CACNA1C: variants seen among roughly 807,000 people sequenced by gnomAD.
CACNA1C encodes the protein calcium voltage-gated channel subunit alpha1 C, also known as voltage-dependent L-type calcium channel subunit alpha-1C.
CACNA1C carries 30 observed loss-of-function variants against 229.0 expected under a neutral mutation model. The ratio of observed to expected loss-of-function variants is 0.13; its 90% CI spans 0.10 to 0.18. The LOEUF (loss-of-function observed/expected upper bound fraction) is 0.18. Among genes scored for constraint, CACNA1C ranks in the 10% least tolerant of loss-of-function variants. The pLI is 1.00. For synonymous variants in CACNA1C, 1,114 were observed against 1,132.5 expected, an observed-to-expected ratio of 0.98 and a Z score of 0.33; for missense variants, 1,658 against 2,845.0, an observed-to-expected ratio of 0.58 and a Z score of 9.49.
At position 2,679,848 on chromosome 12, in the gene CACNA1C, A is replaced by T; in HGVS notation, c.5444+52A>T. On this transcript the variant is annotated intron_variant, in intron 42 of 46. Transcript: ENST00000399655. The surrounding 1 kb of genome is among the most constrained non-coding windows in gnomAD (Gnocchi z 5.5). ...CGGCACACAGGGCCCACGTGCTGCAACCCTCAGGAGACAGTGGAGGAGACG... is the reference window on the plus strand; with the variant it reads ...CGGCACACAGGGCCCACGTGCTGCATCCCTCAGGAGACAGTGGAGGAGACG... 7.6e-7 allele frequency: 1 copy of T among 1,311,330 alleles called. No individual in the cohort carries two copies. The highest frequency in any genetic ancestry group is 1.1e-6 in the Non-Finnish European group (1 of 947,260). The allele number at this position is 1,311,330 out of a possible 1,614,324, so 81.2% of individuals were successfully genotyped here.
chr12:2,189,246 C>T (rs896331369), intron 3 of CACNA1C, among the ~76,000 whole-genome samples: 3 of 150,784 alleles, frequency 2.0e-5, no homozygotes, highest in Admixed American at 6.6e-5. Context: ...TAACCTGATA[C>T]AGGATTTCTC....
In CACNA1C at chr12:2,261,711, T is replaced by C. The variant is rs141030191; in HGVS notation, c.477+141281T>C. Among the ~76,000 whole-genome samples the C allele has an allele frequency of 2.0e-5, 3 of 152,282 alleles. No homozygotes were observed. The East Asian group carries it at 5.8e-4, about 29-fold the overall frequency. On this transcript the variant is annotated intron_variant, in intron 3 of 46. Transcript: ENST00000399655. ...AGCATCAGAGGTGGTTTTCTATACATATATGGGCCAAGCTCTAGAAGGGTC... is the reference window on the plus strand; with the variant it reads ...AGCATCAGAGGTGGTTTTCTATACACATATGGGCCAAGCTCTAGAAGGGTC...
intron 3 of CACNA1C, among the ~76,000 whole-genome samples, chr12:2,184,173 C>G (rs1435556394): frequency 1.3e-5 from 2 of 152,192 alleles, no homozygotes; most frequent in African/African-American, 4.8e-5. Context: ...TTCAGGTGTG[C>G]GTGTTGAAAG....
At chr12:2,303,733 G>A (rs550004416) in intron 3 of CACNA1C, among the ~76,000 whole-genome samples, 9 of 152,324 alleles carry the variant, frequency 5.9e-5, no homozygotes, top group African/African-American at 2.2e-4. Context: ...CCATGCTTCT[G>A]TCTAACGGGC....
intron 3 of CACNA1C, among the ~76,000 whole-genome samples, chr12:2,400,982 C>T (rs1224917211): frequency 2.0e-5 from 3 of 152,174 alleles, no homozygotes; most frequent in Non-Finnish European, 2.9e-5. Context: ...AAGTCCCCTT[C>T]TCCCAAGTCC....
chr12:2,682,083 C>A, intron 42 of CACNA1C: 2 of 1,278,396 alleles, frequency 1.6e-6, no homozygotes, highest in African/African-American at 1.4e-5. Flanking sequence ...GCCTTTACCC[C>A]AGGGTGCCAG....
intron 10 of CACNA1C, among the ~76,000 whole-genome samples, chr12:2,554,747 G>T (rs2043136499): frequency 6.6e-6 from 1 of 152,188 alleles, no homozygotes; most frequent in South Asian, 2.1e-4. Context: ...GGAGCAGAAA[G>T]AACCAAGGCG....
At chr12:2,683,509 G>C (rs1415159477) in intron 43 of CACNA1C, among the ~76,000 whole-genome samples, 1 of 152,170 alleles carries the variant, frequency 6.6e-6, no homozygotes, top group Non-Finnish European at 1.5e-5. Context: ...CTCACAACAG[G>C]CCTCTGAGAC....
At chr12:2,352,588 A>T (rs913210778) in intron 3 of CACNA1C, among the ~76,000 whole-genome samples, 1 of 151,348 alleles carries the variant, frequency 6.6e-6, no homozygotes, top group African/African-American at 2.4e-5. Flanking sequence ...TTAGCACTGC[A>T]TTATTTGTTG....
chr12:2,483,358 G>A (rs2099684207), intron 5 of CACNA1C, among the ~76,000 whole-genome samples: 1 of 152,188 alleles, frequency 6.6e-6, no homozygotes, highest in South Asian at 2.1e-4. Flanking sequence ...AGCATTTTAA[G>A]TGTAGCTTGA....
intron 9 of CACNA1C, among the ~76,000 whole-genome samples, chr12:2,518,828 T>A (rs1276467131): frequency 1.3e-5 from 2 of 152,172 alleles, no homozygotes; most frequent in Admixed American, 1.3e-4. Context: ...TGAGAGCAGA[T>A]CCTTAAGGCA....
At chr12:2,508,288 T>C (rs1421453601) in intron 8 of CACNA1C, among the ~76,000 whole-genome samples, 1 of 152,232 alleles carries the variant, frequency 6.6e-6, no homozygotes, top group African/African-American at 2.4e-5. Context: ...TAAGGAAAGA[T>C]TGAACGGTGC....
chr12:2,120,515 G>A (rs1230483205), intron 3 of CACNA1C, 85 bp downstream of exon 3: 18 of 828,290 alleles, frequency 2.2e-5, no homozygotes, highest in Non-Finnish European at 3.4e-5. Context: ...ATGTGGGAGA[G>A]AAGTGAGACG....
At chr12:2,542,896 G>A (rs1178311931) in intron 9 of CACNA1C, among the ~76,000 whole-genome samples, 1 of 152,076 alleles carries the variant, frequency 6.6e-6, no homozygotes, top group Admixed American at 6.6e-5. Context: ...TTGGCAATTC[G>A]ACCATACAAC....
intron 3 of CACNA1C, among the ~76,000 whole-genome samples, chr12:2,320,979 C>T (rs1165059380): frequency 6.6e-6 from 1 of 152,246 alleles, no homozygotes; most frequent in East Asian, 1.9e-4. Flanking sequence ...TCCATCACCA[C>T]ACGGATGCTG....
chr12:2,222,519 G>GT (rs1313816928), intron 3 of CACNA1C: 1 of 152,160 alleles, frequency 6.6e-6, no homozygotes, highest in African/African-American at 2.4e-5. Context: ...AAAATATTTT[G>GT]TAAGAGGAAA....
chr12:2,158,607 G>A (rs1287802512), intron 3 of CACNA1C, among the ~76,000 whole-genome samples: 1 of 152,208 alleles, frequency 6.6e-6, no homozygotes, highest in Non-Finnish European at 1.5e-5. Flanking sequence ...AGCCATGTGG[G>A]AAGCTAGAAG....
rs1298754627 is a variant in CACNA1C at position 2,605,118 on chromosome 12, C to T, written c.2998C>T (p.Leu1000=). 1.1e-5 allele frequency: 18 copies of T among 1,613,810 alleles called. No individual in the cohort carries two copies. Among genetic ancestry groups the T allele is most frequent in the Non-Finnish European group, 1.5e-5 (18 of 1,179,778 alleles). The change falls in exon 23 of 47, where the codon CTG becomes TTG. Residue 1000 remains leucine (L), a synonymous_variant. Transcript: ENST00000399655. This position sits in a 1 kb window ranked among gnomAD's most constrained non-coding sequence, Gnocchi z 6.2. ...AINVVKILRV[L]RVLRPLRAIN... The stretch of plus-strand genomic sequence containing the variant: ...CAATGTCGTGAAGATCTTGCGAGTC[C>T]TGCGAGTACTCAGGCCCCTGAGGGC...
At chr12:2,441,842 T>C (rs908634481) in intron 3 of CACNA1C, among the ~76,000 whole-genome samples, 2 of 152,190 alleles carry the variant, frequency 1.3e-5, no homozygotes, top group South Asian at 2.1e-4. Flanking sequence ...TTCAACTGTG[T>C]TAGGACCCTT....
Sources: gnomAD v4.1 joint callset for allele counts (sites outside exome capture counted in the v4.1 genomes callset) on GRCh38, gnomAD v4.1.1 for gene constraint, Gnocchi (gnomAD v3.1) non-coding constraint, MANE v1.5 for transcripts, NCBI Gene and HGNC (gene_info 2026-07-23, HGNC 2026-07-21) for gene names.